The following STIMATE variants were observed in gnomAD, a reference collection of about 807,000 sequenced individuals.
STIMATE encodes the protein store-operated calcium entry regulator STIMATE.
STIMATE carries 15 observed loss-of-function variants against 36.7 expected under a neutral mutation model. The observed-to-expected ratio is 0.41, with a 90% CI of 0.27 to 0.63. The LOEUF (loss-of-function observed/expected upper bound fraction) is 0.63, where lower values mean the gene tolerates loss of function less well. Ranked by LOEUF, STIMATE falls within the 20% of genes least tolerant of loss-of-function variation. The probability of loss-of-function intolerance (pLI) is 0.32; values close to 1 mark genes in which losing one functional copy is unlikely to be tolerated. For synonymous variants in STIMATE, 163 were observed against 162.3 expected (o/e 1.00, Z -0.03); for missense variants, 305 against 397.3 (o/e 0.77, Z 1.98).
chr3:52,885,910 T>C (rs917195349), intron 1 of STIMATE, among the ~76,000 whole-genome samples: 1 of 152,248 alleles, frequency 6.6e-6, no homozygotes, highest in Non-Finnish European at 1.5e-5. Context: ...ATTTGCAAAG[T>C]TGCTTTATAT....
chr3:52,859,890 G>A (rs1701185568), intron 1 of STIMATE, among the ~76,000 whole-genome samples: 1 of 151,914 alleles, frequency 6.6e-6, no homozygotes. Context: ...AGAATGGTGT[G>A]CCCGTGCCTG....
chr3:52,844,849 G>A lies in STIMATE; in HGVS notation c.520C>T (p.Leu174=), dbSNP rs1161011294. The A allele has an allele frequency of 6.2e-7, 1 of 1,614,044 alleles. No individual in the cohort carries two copies. The highest frequency in any genetic ancestry group is 2.2e-5 in the East Asian group (1 of 44,894). The change falls in exon 5 of 8, where the codon CTA becomes TTA. Residue 174 remains leucine (L), a synonymous_variant. Transcript: ENST00000355083. Reference sequence around the variant, plus strand: ...CAAACCTTTTTCCACTGAAGTATTAGGAGGACGATGAAGACGACAGACTTT... The same window carrying A: ...CAAACCTTTTTCCACTGAAGTATTAAGAGGACGATGAAGACGACAGACTTT... ...FEKSVVFIVL[L]ILQWKKVALL...
chr3:52,888,013 T>G (rs559560598), intron 1 of STIMATE, among the ~76,000 whole-genome samples: 3,063 of 142,498 alleles, frequency 0.021, 124 homozygotes, highest in Non-Finnish European at 0.034. Context: ...TTTTTTTTTT[T>G]TTTTTTTTGC....
At position 52,874,718 on chromosome 3, in the gene STIMATE, G is replaced by A. The variant is rs1575343050; in HGVS notation, c.161-19274C>T. Reference sequence around the variant, plus strand: ...TCTACTGAAAATAAAAAAATTAGCTGGGCGTGGTGGCTACTCGTGAGGCTG... The same window carrying A: ...TCTACTGAAAATAAAAAAATTAGCTAGGCGTGGTGGCTACTCGTGAGGCTG... On this transcript the variant is annotated intron_variant, in intron 1 of 7. Coordinates refer to ENST00000355083, the MANE Select transcript of STIMATE (RefSeq NM_198563.5). 3.3e-5 allele frequency among the ~76,000 whole-genome samples: 5 copies of A among 152,056 alleles called. No homozygotes were observed. The South Asian group carries it at 1.0e-3, about 31-fold the overall frequency.
intron 1 of STIMATE, among the ~76,000 whole-genome samples, chr3:52,891,574 G>A (rs952611874): frequency 6.6e-6 from 1 of 152,186 alleles, no homozygotes; most frequent in Admixed American, 6.5e-5. Flanking sequence ...AGAAAGATTA[G>A]GTCAAGGAAG....
intron 1 of STIMATE, among the ~76,000 whole-genome samples, chr3:52,883,897 T>C (rs1324384238): frequency 6.6e-6 from 1 of 152,244 alleles, no homozygotes; most frequent in African/African-American, 2.4e-5. Context: ...GGTCTATTAA[T>C]ATTAGCTGAT....
intron 1 of STIMATE, among the ~76,000 whole-genome samples, chr3:52,883,689 G>A (rs975742500): frequency 3.2e-4 from 48 of 152,108 alleles, no homozygotes; most frequent in Middle Eastern, 3.4e-3. Context: ...ATGTTTTCAC[G>A]TATGCTATTC....
chr3:52,843,185 G>T, intron 6 of STIMATE: 2 of 866,056 alleles, frequency 2.3e-6, no homozygotes, highest in Non-Finnish European at 3.3e-6. Flanking sequence ...AACGTGCCCT[G>T]ACGGGTTTTT....
intron 1 of STIMATE, among the ~76,000 whole-genome samples, chr3:52,876,299 C>T (rs1324191194): frequency 6.6e-6 from 1 of 152,212 alleles, no homozygotes; most frequent in Non-Finnish European, 1.5e-5. Flanking sequence ...CCTCACCTAC[C>T]ACTGAACAGC....
intron 1 of STIMATE, among the ~76,000 whole-genome samples, chr3:52,868,984 A>G (rs145454644): frequency 2.1e-3 from 314 of 152,178 alleles, no homozygotes; most frequent in African/African-American, 7.0e-3. Context: ...TATCATCTCT[A>G]TTTTACAGAT....
In STIMATE at chr3:52,893,596, C is replaced by T. The variant is rs574288188; in HGVS notation, c.160+3695G>A. 1.4e-4 allele frequency among the ~76,000 whole-genome samples: 21 copies of T among 152,254 alleles called. 1 individual carries two copies. The South Asian group carries it at 3.7e-3, about 27-fold the overall frequency. On this transcript the variant is annotated intron_variant, in intron 1 of 7. Transcript: ENST00000355083. The stretch of plus-strand genomic sequence containing the variant: ...AGCACACAGGGAGGCCGGTTTACCA[C>T]GGAGAAAACCCCAGAAACTCTCATT...
chr3:52,876,658 G>C (rs1701507004), intron 1 of STIMATE, among the ~76,000 whole-genome samples: 1 of 152,172 alleles, frequency 6.6e-6, no homozygotes, highest in African/African-American at 2.4e-5. Context: ...ATGAATAGCA[G>C]ATACATTTTC....
At chr3:52,889,584 A>G (rs898746470) in intron 1 of STIMATE, among the ~76,000 whole-genome samples, 1 of 152,236 alleles carries the variant, frequency 6.6e-6, no homozygotes, top group Non-Finnish European at 1.5e-5. Context: ...AGACGGAGAT[A>G]CTATCAGTCC....
chr3:52,871,332 G>A (rs1339095464), intron 1 of STIMATE, among the ~76,000 whole-genome samples: 7 of 152,072 alleles, frequency 4.6e-5, no homozygotes, highest in East Asian at 1.9e-4. Flanking sequence ...CTGGGGGCTC[G>A]GTGCAGCGGG....
At chr3:52,847,536 C>T in intron 4 of STIMATE, 1 of 1,289,794 alleles carries the variant, frequency 7.8e-7, no homozygotes, top group Non-Finnish European at 1.0e-6. Context: ...CATCAGCAAA[C>T]TCTTGGCCTT....
chr3:52,852,453 T>C, intron 3 of STIMATE, 150 bp downstream of exon 3: 2 of 924,176 alleles, frequency 2.2e-6, no homozygotes, highest in Non-Finnish European at 3.3e-6. Context: ...GGACAGCATG[T>C]ACAGGATGGT....
intron 2 of STIMATE, among the ~76,000 whole-genome samples, chr3:52,855,169 G>A (rs1364245854): frequency 6.6e-6 from 1 of 152,188 alleles, no homozygotes; most frequent in Non-Finnish European, 1.5e-5. Flanking sequence ...GAAGCAGAGT[G>A]ATTCTAAAAT....
chr3:52,864,559 C>T (rs527977982), intron 1 of STIMATE, among the ~76,000 whole-genome samples: 24 of 152,316 alleles, frequency 1.6e-4, no homozygotes, highest in African/African-American at 5.1e-4. Flanking sequence ...GTTACTTATG[C>T]AAATTTCTGC....
intron 1 of STIMATE, among the ~76,000 whole-genome samples, chr3:52,873,327 T>C (rs1267732251): frequency 6.6e-6 from 1 of 152,188 alleles, no homozygotes; most frequent in Non-Finnish European, 1.5e-5. Flanking sequence ...GATAAACACA[T>C]ATGCAACCTT....
Sources: gnomAD v4.1 joint callset for allele counts (sites outside exome capture counted in the v4.1 genomes callset) on GRCh38, gnomAD v4.1.1 for gene constraint, MANE v1.5 for transcripts, NCBI Gene and HGNC (gene_info 2026-07-23, HGNC 2026-07-21) for gene names.